Variants in SLC35A2 observed in about 807,000 individuals in gnomAD.
SLC35A2 encodes the protein UDP-galactose translocator.
Under a neutral mutation model 17.3 loss-of-function variants are expected in SLC35A2, and 1 was observed. That is an observed-to-expected ratio of 0.06 (90% CI 0.02 to 0.27). The LOEUF is 0.27. SLC35A2 is among the 10% of genes least tolerant of loss of function. SLC35A2 has a pLI of 1.00. For missense variants in SLC35A2, 191 were observed against 339.3 expected (o/e 0.56, Z 3.43); for synonymous variants, 161 against 161.3 (o/e 1.00, Z 0.01).
In SLC35A2 at chrX:48,909,976, T is replaced by C; in HGVS notation, c.112A>G (p.Ile38Val). 1.7e-6 allele frequency: 2 copies of C among 1,209,684 alleles called. No individual in the cohort carries two copies. Among genetic ancestry groups the C allele is most frequent in the Non-Finnish European group, 2.2e-6 (2 of 894,640 alleles). Reference sequence around the variant, plus strand: ...TGGACCACCAGCACAGCTAGGGATATGTACTTCAGGCGCCTGTGAGCTGTG... The same window carrying C: ...TGGACCACCAGCACAGCTAGGGATACGTACTTCAGGCGCCTGTGAGCTGTG... ...ASAAHRRLKYISLAVLVVQNA... is the reference protein window; with the variant it reads ...ASAAHRRLKYVSLAVLVVQNA... Residue 38 changes from isoleucine to valine, a missense_variant, in exon 2 of 5, where the codon ATA becomes GTA. Physicochemically the swap from Ile to Val is conservative, Grantham distance 29. Transcript: ENST00000247138.
At position 48,906,533 on chromosome X, in the gene SLC35A2, C is replaced by T; in HGVS notation, c.285G>A (p.Lys95=). The change falls in exon 3 of 5, where the codon AAG becomes AAA. Residue 95 remains lysine, a synonymous_variant. Transcript: ENST00000247138. ...CCTCATGGAGGAAGAGAACCAGGTGCTTCACGTTACCTAGGTGGGAGGAGG... is the reference window on the plus strand; with the variant it reads ...CCTCATGGAGGAAGAGAACCAGGTGTTTCACGTTACCTAGGTGGGAGGAGG... The part of the protein sequence containing the change: ...LLFAQKRGNV[K]HLVLFLHEAV... 8.3e-7 allele frequency: 1 copy of T among 1,211,348 alleles called. No homozygotes were observed. The highest frequency in any genetic ancestry group is 1.1e-6 in the Non-Finnish European group (1 of 895,020).
chrX:48,910,551 A>G (rs782726118), intron 1 of SLC35A2, among the ~76,000 whole-genome samples: 3 of 111,475 alleles, frequency 2.7e-5, no homozygotes, highest in South Asian at 7.5e-4. Flanking sequence ...ACATCAATGC[A>G]GGGAATGAGG....
chrX:48,903,741 AT>A, intron 4 of SLC35A2: 1 of 967,686 alleles, frequency 1.0e-6, no homozygotes, highest in Non-Finnish European at 1.3e-6. Flanking sequence ...CTATTTACAT[AT>A]AGCAAAGACA....
chrX:48,903,832 C>T, intron 4 of SLC35A2: 2 of 812,479 alleles, frequency 2.5e-6, no homozygotes, highest in Non-Finnish European at 3.0e-6. Flanking sequence ...GCGCAGGAGG[C>T]AGGTTCCACA....
intron 4 of SLC35A2, chrX:48,904,336 A>G: frequency 9.5e-7 from 1 of 1,050,004 alleles, no homozygotes. Context: ...AGTTTTGTCC[A>G]GTGTGTCCTT....
upstream of SLC35A2, chrX:48,911,829 C>T: frequency 8.6e-7 from 1 of 1,167,557 alleles, no homozygotes; most frequent in Non-Finnish European, 1.1e-6. Context: ...GATCGGGAGG[C>T]CGGGGACACG....
At chrX:48,910,123 G>T in intron 1 of SLC35A2, 127 bp from the exon 2 acceptor site, 1 of 854,087 alleles carries the variant, frequency 1.2e-6, no homozygotes, top group Non-Finnish European at 1.7e-6. Flanking sequence ...TGCTCCCTCA[G>T]CCTGCCTGCC....
At chrX:48,910,302 C>A in intron 1 of SLC35A2, 1 of 1,134,363 alleles carries the variant, frequency 8.8e-7, no homozygotes, top group Non-Finnish European at 1.2e-6. Flanking sequence ...GGCTTCCTCC[C>A]AAGTGAGAAG....
chrX:48,906,836 G>A (rs782690459), intron 2 of SLC35A2, among the ~76,000 whole-genome samples: 1 of 112,343 alleles, frequency 8.9e-6, no homozygotes, highest in South Asian at 3.6e-4. Context: ...CCCCATTCAG[G>A]GAAAGCACTC....
intron 4 of SLC35A2, chrX:48,904,323 G>A (rs968997247): frequency 5.2e-5 from 54 of 1,031,254 alleles, no homozygotes; most frequent in Non-Finnish European, 6.0e-5. Context: ...GAAGAGCTGC[G>A]GGAGTTTTGT....
intron 4 of SLC35A2, chrX:48,904,286 C>T: frequency 1.0e-6 from 1 of 965,231 alleles, no homozygotes; most frequent in Non-Finnish European, 1.3e-6. Flanking sequence ...GGCAACTGAA[C>T]CCCACAGGTA....
Position 48,909,918 on chromosome X carries a change from G to A in SLC35A2, c.170C>T (p.Ala57Val). 1 of 1,210,195 alleles carries A rather than the reference G, an allele frequency of 8.3e-7. No homozygotes were observed. Among genetic ancestry groups the A allele is most frequent in the Non-Finnish European group, 1.1e-6 (1 of 894,435 alleles). The change falls in exon 2 of 5, where the codon GCC becomes GTC. Residue 57 changes from alanine (A) to valine (V), a missense_variant. By Grantham distance (64) the Ala-to-Val change is moderately conservative (BLOSUM62 0). This residue lies in a region of SLC35A2 where 164 missense variants were observed against 315.3 expected (regional missense o/e 0.52). Coordinates refer to ENST00000247138, the MANE Select transcript of SLC35A2 (RefSeq NM_005660.3). ...GAAGCGGTCCCCTGGCAACGTGCGG[G>A]CGTAGCGGATGCTGAGGATGAGGGA... is the stretch of plus-strand genomic sequence containing the variant. ...NASLILSIRY[A>V]RTLPGDRFFA...
Position 48,904,982 on chromosome X carries a change from A to G in SLC35A2, c.927T>C (p.Thr309=), listed in dbSNP as rs2063478358. 1 of 1,211,706 alleles carries G rather than the reference A, an allele frequency of 8.3e-7. No individual in the cohort carries two copies. Among genetic ancestry groups the G allele is most frequent in the Non-Finnish European group, 1.1e-6 (1 of 895,294 alleles). ...AGCCAAAGAGGCGAATGGAGGCAAC[A>G]GTGGACAGCACAATGGACAGGGAGG... ...FATSLSIVLS[T]VASIRLFGFH... The change falls in exon 4 of 5, where the codon ACT becomes ACC. Residue 309 remains threonine, a synonymous_variant. Coordinates refer to ENST00000247138, the MANE Select transcript of SLC35A2 (RefSeq NM_005660.3).
At chrX:48,903,591 G>A (rs1557042188) in intron 4 of SLC35A2, 126 bp from the exon 5 acceptor site, 1 of 566,449 alleles carries the variant, frequency 1.8e-6, no homozygotes, top group Non-Finnish European at 2.9e-6. Flanking sequence ...GTGCCCACCT[G>A]GTCAGAAAGC....
rs373480204 is a variant in SLC35A2, at chrX:48,911,607, G to A, written c.30C>T (p.Thr10=). MAAVGAGGS[T]AAPGPGAVSA... is the part of the protein sequence containing the mutation. ...AAACCGCCCCTGGCCCGGGCGCCGC[G>A]GTGGAACCACCAGCCCCAACCGCTG... is the stretch of plus-strand genomic sequence containing the variant. The change falls in exon 1 of 5, where the codon ACC becomes ACT. Residue 10 remains threonine, a synonymous_variant. Coordinates refer to ENST00000247138, the MANE Select transcript of SLC35A2 (RefSeq NM_005660.3). The A allele has an allele frequency of 8.6e-7, 1 of 1,164,486 alleles. No homozygotes were observed. Among genetic ancestry groups the A allele is most frequent in the Non-Finnish European group, 1.1e-6 (1 of 874,838 alleles).
intron 4 of SLC35A2, 35 bp from the exon 5 acceptor site, chrX:48,903,500 A>G (rs782321537): frequency 1.4e-5 from 8 of 571,455 alleles, no homozygotes; most frequent in Non-Finnish European, 2.6e-5. Flanking sequence ...AAAAACACAA[A>G]GCTGGGCTAG....
chrX:48,906,254 G>A, intron 3 of SLC35A2, 138 bp downstream of exon 3: 1 of 549,243 alleles, frequency 1.8e-6, no homozygotes, highest in Non-Finnish European at 3.1e-6. Context: ...CGAGAAAAGG[G>A]AGGTTGAAGG....
At chrX:48,903,989 T>C in intron 4 of SLC35A2, 4 of 759,753 alleles carry the variant, frequency 5.3e-6, no homozygotes, top group Non-Finnish European at 6.2e-6. Flanking sequence ...TTAAATACAA[T>C]GAGATTCAGC....
intron 4 of SLC35A2, chrX:48,904,003 T>C: frequency 1.3e-6 from 1 of 760,376 alleles, no homozygotes; most frequent in African/African-American, 2.3e-5. Flanking sequence ...ATTCAGCCAC[T>C]TCAAGGACCT....
Sources: gnomAD v4.1 joint callset for allele counts (sites outside exome capture counted in the v4.1 genomes callset) on GRCh38, gnomAD v4.1.1 for gene constraint, gnomAD v4.1.1 regional missense constraint, MANE v1.5 for transcripts, NCBI Gene and HGNC (gene_info 2026-07-23, HGNC 2026-07-21) for gene names.